The following FREM3 variants were observed in gnomAD, a reference collection of about 807,000 sequenced individuals.
FREM3 encodes FRAS1 related extracellular matrix 3, also known as FRAS1-related extracellular matrix protein 3.
FREM3 carries 105 observed loss-of-function variants against 129.1 expected under a neutral mutation model. The observed-to-expected ratio is 0.81, with a 90% confidence interval of 0.69 to 0.96. FREM3 has a LOEUF of 0.96. Ranked by LOEUF, FREM3 falls within the 40% of genes least tolerant of loss-of-function variation. The probability of loss-of-function intolerance (pLI) is 0.00; values close to 1 mark genes in which losing one functional copy is unlikely to be tolerated. For synonymous variants in FREM3, 1,014 were observed against 1,044.9 expected (o/e 0.97, Z 0.57); for missense variants, 2,593 against 2,666.3 (o/e 0.97, Z 0.61).
chr4:143,591,473 A>G (rs1320151738), intron 6 of FREM3, among the ~76,000 whole-genome samples: 1 of 152,156 alleles, frequency 6.6e-6, no homozygotes, highest in African/African-American at 2.4e-5. Flanking sequence ...GAACATCTTC[A>G]TTTCTGCCTT....
At chr4:143,650,109 G>A (rs187621070) in intron 2 of FREM3, among the ~76,000 whole-genome samples, 1 of 152,284 alleles carries the variant, frequency 6.6e-6, no homozygotes, top group Admixed American at 6.5e-5. Flanking sequence ...TCATACATCT[G>A]ATGATTCTAT....
In FREM3 at chr4:143,577,921, G is replaced by A. The variant is rs909272308; in HGVS notation, c.6179-69C>T. ...CATAAGTTTTCCTTCAGAGAAAAAT[G>A]AGAGCTCTCACCAACTCTGCGGCAT... On this transcript the variant is annotated intron_variant, in intron 7 of 7. Transcript: ENST00000329798. 9 of 1,461,572 alleles carry A rather than the reference G, an allele frequency of 6.2e-6. No individual in the cohort carries two copies. The Admixed American group carries it at 9.0e-5, about 15-fold the overall frequency. 90.5% of individuals were successfully genotyped at this position (1,461,572 alleles called of 1,614,324 possible). A position where few individuals can be genotyped will look rare whatever the true frequency, so the allele number is the denominator to read the frequency against.
At chr4:143,604,470 T>C (rs1738632092) in intron 6 of FREM3, among the ~76,000 whole-genome samples, 1 of 152,168 alleles carries the variant, frequency 6.6e-6, no homozygotes, top group Non-Finnish European at 1.5e-5. Flanking sequence ...ATAAACTCTA[T>C]ATTAATTTTG....
At chr4:143,678,460 C>T (rs545247739) in intron 2 of FREM3, among the ~76,000 whole-genome samples, 1 of 151,964 alleles carries the variant, frequency 6.6e-6, no homozygotes, top group East Asian at 1.9e-4. Flanking sequence ...TTAATGGGTG[C>T]AGCACATCAA....
chr4:143,659,186 G>A (rs1386874820), intron 2 of FREM3, among the ~76,000 whole-genome samples: 1 of 151,520 alleles, frequency 6.6e-6, no homozygotes, highest in Admixed American at 6.6e-5. Flanking sequence ...CTGGTGTGCT[G>A]CACCCATTAA....
chr4:143,696,679 T>G lies in FREM3; in HGVS notation c.3997A>C (p.Thr1333Pro). The change falls in exon 1 of 8, where the codon ACA becomes CCA. Residue 1333 changes from threonine to proline, a missense_variant. Physicochemically the swap from Thr to Pro is conservative, Grantham distance 38. This residue lies in a region of FREM3 where 2,276 missense variants were observed against 2,267.2 expected (regional missense o/e 1.00). Transcript: ENST00000329798. ...EIITNRILKA[T>P]DLDSDDKSLS... ...CTTTTATCATCTGAGTCAAGATCTG[T>G]GGCCTTGAGGATCCGATTTGTGATG... The G allele has an allele frequency of 3.3e-6, 5 of 1,537,892 alleles. No individual in the cohort carries two copies. Among genetic ancestry groups the G allele is most frequent in the Non-Finnish European group, 3.5e-6 (4 of 1,147,044 alleles).
intron 2 of FREM3, among the ~76,000 whole-genome samples, chr4:143,629,047 G>T (rs1739095479): frequency 6.6e-6 from 1 of 152,062 alleles, no homozygotes; most frequent in South Asian, 2.1e-4. Context: ...GATTCCCGTG[G>T]GTTGCACAGG....
intron 2 of FREM3, among the ~76,000 whole-genome samples, chr4:143,665,307 C>T (rs1405208544): frequency 6.6e-6 from 1 of 152,122 alleles, no homozygotes; most frequent in Non-Finnish European, 1.5e-5. Context: ...GCCTTACCCA[C>T]TTATTCTCAT....
chr4:143,645,545 C>T (rs1188834604), intron 2 of FREM3, among the ~76,000 whole-genome samples: 1 of 152,144 alleles, frequency 6.6e-6, no homozygotes, highest in Non-Finnish European at 1.5e-5. Context: ...CTAAGGTTTC[C>T]CCAGTAAGCA....
chr4:143,697,586 C>G lies in FREM3; in HGVS notation c.3090G>C (p.Lys1030Asn). ...GGATGAGGCTGAAGGCATCGTGCTG[C>G]TTTTGAAAACCAACTTCACCTGCAG... is the stretch of plus-strand genomic sequence containing the variant. ...AHTAGEVGFQ[K>N]QHDAFSLILS... The change falls in exon 1 of 8, where the codon AAG becomes AAC. Residue 1030 changes from lysine to asparagine, a missense_variant. By Grantham distance (94) the Lys-to-Asn change is moderately conservative. This residue lies in a region of FREM3 where 2,276 missense variants were observed against 2,267.2 expected (regional missense o/e 1.00). Coordinates refer to ENST00000329798, the MANE Select transcript of FREM3 (RefSeq NM_001168235.2). The G allele has an allele frequency of 6.5e-7, 1 of 1,537,650 alleles. No homozygotes were observed. The highest frequency in any genetic ancestry group is 8.7e-7 in the Non-Finnish European group (1 of 1,147,006).
At chr4:143,676,320 G>A (rs1740119179) in intron 2 of FREM3, among the ~76,000 whole-genome samples, 1 of 152,114 alleles carries the variant, frequency 6.6e-6, no homozygotes, top group Non-Finnish European at 1.5e-5. Flanking sequence ...ATGCAGAAAA[G>A]GCCTTTGACA....
Position 143,695,994 on chromosome 4 carries a change from G to A in FREM3, c.4682C>T (p.Thr1561Ile). ...ATCTGGGGTATCACTGTCTTCCACT[G>A]TCAACTCAAGGAGAGTGATCAGTTG... is the stretch of plus-strand genomic sequence containing the variant. ...DSQLITLLEL[T>I]VEDSDTPDDL... Residue 1561 changes from threonine to isoleucine, a missense_variant, in exon 1 of 8, where the codon ACA becomes ATA. Physicochemically the swap from Thr to Ile is moderately conservative, Grantham distance 89. Transcript: ENST00000329798. 2 of 1,537,880 alleles carry A rather than the reference G, an allele frequency of 1.3e-6. No individual in the cohort carries two copies. Among genetic ancestry groups the A allele is most frequent in the Non-Finnish European group, 1.7e-6 (2 of 1,147,050 alleles).
intron 7 of FREM3, among the ~76,000 whole-genome samples, chr4:143,583,919 G>T: frequency 6.6e-6 from 1 of 152,102 alleles, no homozygotes. Context: ...ATAATAAACC[G>T]CTAACAACAA....
At chr4:143,636,672 A>G (rs1278479462) in intron 2 of FREM3, among the ~76,000 whole-genome samples, 1 of 152,084 alleles carries the variant, frequency 6.6e-6, no homozygotes, top group African/African-American at 2.4e-5. Flanking sequence ...TTTAATTTTG[A>G]TATAACTTAA....
chr4:143,654,723 A>G (rs1739569235), intron 2 of FREM3, among the ~76,000 whole-genome samples: 1 of 152,204 alleles, frequency 6.6e-6, no homozygotes, highest in South Asian at 2.1e-4. Context: ...AGGCAATGAC[A>G]TCTACTAATC....
At chr4:143,649,912 C>T (rs998269825) in intron 2 of FREM3, among the ~76,000 whole-genome samples, 3 of 152,150 alleles carry the variant, frequency 2.0e-5, no homozygotes, top group Non-Finnish European at 2.9e-5. Context: ...ATTGGTTGTT[C>T]AAATTGAACA....
In FREM3 at chr4:143,577,872, C is replaced by T; in HGVS notation, c.6179-20G>A. On this transcript the variant is annotated intron_variant, in intron 7 of 7. Transcript: ENST00000329798. The stretch of plus-strand genomic sequence containing the variant: ...TTCCAGCTAGTGAAAAAGGAAAAGG[C>T]ACTGGTGAGACAGTAGGATTTGTCA... 6.5e-7 allele frequency: 1 copy of T among 1,531,354 alleles called. No homozygotes were observed. 94.9% of individuals were successfully genotyped at this position (1,531,354 alleles called of 1,614,324 possible).
intron 5 of FREM3, among the ~76,000 whole-genome samples, chr4:143,619,185 A>T (rs1389956166): frequency 6.6e-6 from 1 of 152,082 alleles, no homozygotes; most frequent in Non-Finnish European, 1.5e-5. Flanking sequence ...TTATGCTAAC[A>T]CTGCCATTTT....
At chr4:143,672,762 C>G (rs1740022778) in intron 2 of FREM3, among the ~76,000 whole-genome samples, 1 of 152,184 alleles carries the variant, frequency 6.6e-6, no homozygotes, top group South Asian at 2.1e-4. Context: ...TTCACATAGT[C>G]CCATATTTCT....
Sources: allele counts gnomAD v4.1 joint callset (sites outside exome capture counted in the v4.1 genomes callset), GRCh38; gene constraint gnomAD v4.1.1; regional missense constraint gnomAD v4.1.1; transcripts MANE v1.5; gene names NCBI Gene and HGNC (gene_info 2026-07-23, HGNC 2026-07-21).